Variants in KLF7 observed in about 807,000 individuals in gnomAD.
KLF7 encodes the protein KLF transcription factor 7.
Under a neutral mutation model 27.3 loss-of-function variants are expected in KLF7, and 2 were observed. That is an observed-to-expected ratio of 0.07 (90% confidence interval 0.03 to 0.23). KLF7 has a LOEUF of 0.23. Among genes scored for constraint, KLF7 ranks in the 10% least tolerant of loss-of-function variants. The pLI is 1.00. For synonymous variants in KLF7, 165 were observed against 162.4 expected (o/e 1.02, Z -0.12); for missense variants, 221 against 394.1 (o/e 0.56, Z 3.72).
chr2:207,157,788 T>A (rs142532704), intron 1 of KLF7, among the ~76,000 whole-genome samples: 313 of 152,344 alleles, frequency 2.1e-3, no homozygotes, highest in African/African-American at 7.2e-3. Flanking sequence ...GCTAATTAGA[T>A]CTTTTCACCT....
chr2:207,095,031 C>CTTTTTTTTTTTT (rs36091471), intron 2 of KLF7, among the ~76,000 whole-genome samples: 8 of 82,420 alleles, frequency 9.7e-5, no homozygotes, highest in East Asian at 4.0e-4. Flanking sequence ...TGTTTTTATT[C>CTTTTTTTTTTTT]TTTTTTTTTT....
intron 2 of KLF7, among the ~76,000 whole-genome samples, chr2:207,093,228 A>G (rs1056196466): frequency 6.6e-6 from 1 of 152,234 alleles, no homozygotes; most frequent in African/African-American, 2.4e-5. Flanking sequence ...ATTCACCCAA[A>G]AAAAGGTTAA....
At chr2:207,114,557 G>C (rs576899451) in intron 2 of KLF7, among the ~76,000 whole-genome samples, 1 of 152,258 alleles carries the variant, frequency 6.6e-6, no homozygotes, top group Non-Finnish European at 1.5e-5. Flanking sequence ...ATATGTACCA[G>C]AGTCAAGCTT....
intron 1 of KLF7, 130 bp from the exon 2 acceptor site, chr2:207,124,534 T>A: frequency 2.3e-6 from 2 of 868,394 alleles, no homozygotes; most frequent in Non-Finnish European, 3.5e-6. Flanking sequence ...AATGCCTTAG[T>A]AGAAGGTCTG....
intron 1 of KLF7, 94 bp from the exon 2 acceptor site, chr2:207,124,498 A>T: frequency 7.8e-7 from 1 of 1,282,822 alleles, no homozygotes; most frequent in East Asian, 2.3e-5. Flanking sequence ...AGGTGCAGAG[A>T]GAATGGTGTC....
At chr2:207,166,107 C>G (rs552290250), upstream of KLF7, 46 of 977,756 alleles carry the variant, frequency 4.7e-5, no homozygotes, top group Non-Finnish European at 1.3e-5. Context: ...CTGCTCTTCC[C>G]CCTCCCCAAA....
At chr2:207,100,666 CAT>C (rs780747181) in intron 2 of KLF7, among the ~76,000 whole-genome samples, 18 of 152,332 alleles carry the variant, frequency 1.2e-4, no homozygotes, top group Non-Finnish European at 1.8e-4. Flanking sequence ...CTATTCTCCA[CAT>C]GTCACCCCAT....
chr2:207,173,739 A>G, the KLF7 span: 1 of 152,204 alleles, frequency 6.6e-6, no homozygotes. Context: ...CGTGTGACCC[A>G]GGAGACAATT....
chr2:207,117,171 T>A (rs1390683606), intron 2 of KLF7, among the ~76,000 whole-genome samples: 1 of 152,238 alleles, frequency 6.6e-6, no homozygotes, highest in Non-Finnish European at 1.5e-5. Flanking sequence ...TATCATAGTA[T>A]AATGATAAAA....
chr2:207,153,486 TGA>T (rs1370474821), intron 1 of KLF7, among the ~76,000 whole-genome samples: 3 of 152,208 alleles, frequency 2.0e-5, no homozygotes, highest in Admixed American at 2.0e-4. Context: ...AGAGGTAAAG[TGA>T]GACACTTACC....
chr2:207,098,512 A>G (rs1283938029), intron 2 of KLF7, among the ~76,000 whole-genome samples: 2 of 152,200 alleles, frequency 1.3e-5, no homozygotes, highest in Admixed American at 6.5e-5. Context: ...AAAAACGTCA[A>G]TTTTAAACTC....
At chr2:207,088,870 G>A (rs2076448529) in intron 2 of KLF7, among the ~76,000 whole-genome samples, 1 of 152,142 alleles carries the variant, frequency 6.6e-6, no homozygotes, top group African/African-American at 2.4e-5. Flanking sequence ...CCTCTGACTG[G>A]TGAAGGATCA....
At chr2:207,083,225 C>T (rs944371613) in intron 3 of KLF7, among the ~76,000 whole-genome samples, 1 of 152,114 alleles carries the variant, frequency 6.6e-6, no homozygotes, top group Non-Finnish European at 1.5e-5. Context: ...GGGAATTTAG[C>T]GTCTAACTGG....
chr2:207,163,432 A>C (rs1484662288), intron 1 of KLF7, among the ~76,000 whole-genome samples: 4 of 152,182 alleles, frequency 2.6e-5, no homozygotes, highest in Non-Finnish European at 4.4e-5. Context: ...GGAGGGGAGA[A>C]GGAAGAGCAG....
At chr2:207,166,288 T>C (rs1031195340), upstream of KLF7, 48 of 575,150 alleles carry the variant, frequency 8.3e-5, no homozygotes, top group Non-Finnish European at 1.0e-4. Context: ...CGGGCGCGGA[T>C]TGGCACGCTG....
In KLF7 at chr2:207,076,912, CA is replaced by C. The variant is rs1444557995; in HGVS notation, c.*4300del. ...TCTATTTACTGAATGTTCATTTTGG[CA>C]ATGTTCTGGGTGCAAAATTGTAGCC... is the stretch of plus-strand genomic sequence containing the variant. On this transcript the variant is annotated 3_prime_UTR_variant, in exon 4 of 4. Transcript: ENST00000309446. 8 of 152,166 alleles carry C rather than the reference CA, an allele frequency of 5.3e-5. No homozygotes were observed. The highest frequency in any genetic ancestry group is 4.6e-4 in the Admixed American group (7 of 15,278). 9.4% of individuals were successfully genotyped at this position (152,166 alleles called of 1,614,324 possible).
At chr2:207,151,649 T>C (rs2078250971) in intron 1 of KLF7, among the ~76,000 whole-genome samples, 1 of 152,166 alleles carries the variant, frequency 6.6e-6, no homozygotes, top group South Asian at 2.1e-4. Context: ...TCTTCCTTTT[T>C]AGAAATATTT....
chr2:207,082,135 C>A (rs1448840118), intron 3 of KLF7, among the ~76,000 whole-genome samples: 1 of 152,144 alleles, frequency 6.6e-6, no homozygotes, highest in Non-Finnish European at 1.5e-5. Context: ...TCCTCTAACA[C>A]CAGCTATTTG....
rs2076226339 is a variant in KLF7 at position 207,079,086 on chromosome 2, TTTG to T, written c.*2124_*2126del. ...TTTTGTTTTTTTTTTTGTTTTTGTT[TTTG>T]TTTTTTTTGGTCTAAATAGAAAAAA... On this transcript the variant is annotated 3_prime_UTR_variant, in exon 4 of 4. Transcript: ENST00000309446. 6.6e-6 allele frequency: 1 copy of T among 151,912 alleles called. No individual in the cohort carries two copies. The highest frequency in any genetic ancestry group is 6.6e-5 in the Admixed American group (1 of 15,252). 9.4% of individuals were successfully genotyped at this position (151,912 alleles called of 1,614,324 possible). A position where few individuals can be genotyped will look rare whatever the true frequency, so the allele number is the denominator to read the frequency against.
Sources: allele counts gnomAD v4.1 joint callset (sites outside exome capture counted in the v4.1 genomes callset), GRCh38; gene constraint gnomAD v4.1.1; transcripts MANE v1.5; gene names NCBI Gene and HGNC (gene_info 2026-07-23, HGNC 2026-07-21).